LRCH2: variants seen among roughly 807,000 people sequenced by gnomAD.
LRCH2 encodes the protein leucine rich repeats and calponin homology domain containing 2.
In LRCH2, 38 loss-of-function variants were observed where a neutral mutation model predicts 68.9. That is an observed-to-expected ratio of 0.55 (90% CI 0.43 to 0.72). The LOEUF (loss-of-function observed/expected upper bound fraction) is 0.72. Ranked by LOEUF, LRCH2 falls within the 30% of genes least tolerant of loss-of-function variation. LRCH2 has a pLI of 0.00. For missense variants in LRCH2, 528 were observed against 572.9 expected (o/e 0.92, Z 0.80); for synonymous variants, 191 against 208.1 (o/e 0.92, Z 0.71).
chrX:115,138,611 G>A (rs2072310034), intron 14 of LRCH2, among the ~76,000 whole-genome samples: 1 of 111,434 alleles, frequency 9.0e-6, no homozygotes, highest in Non-Finnish European at 1.9e-5. Context: ...TAAAGAGGCA[G>A]GAAAGACATA....
At chrX:115,226,331 CT>C (rs1374912151) in intron 1 of LRCH2, among the ~76,000 whole-genome samples, 1 of 111,510 alleles carries the variant, frequency 9.0e-6, no homozygotes, top group Admixed American at 9.5e-5. Context: ...GTATGTATTA[CT>C]TTTTTTAATG....
intron 12 of LRCH2, among the ~76,000 whole-genome samples, chrX:115,155,261 T>C (rs1252426498): frequency 3.7e-5 from 4 of 109,342 alleles, no homozygotes; most frequent in Admixed American, 2.0e-4. Context: ...GTATGTGAGA[T>C]TTTTCTAAAG....
intron 1 of LRCH2, among the ~76,000 whole-genome samples, chrX:115,229,613 A>G (rs1191399976): frequency 8.9e-6 from 1 of 112,101 alleles, no homozygotes; most frequent in Non-Finnish European, 1.9e-5. Context: ...GATTCAATCT[A>G]TAGCAATTAA....
At position 115,189,864 on chromosome X, in the gene LRCH2, C is replaced by T. The variant is rs1556556508; in HGVS notation, c.350-1494G>A. ...ACGCGGGGTATTTCGACCTGTGGCC[C>T]TACAGGGCCCCGATGCCCAGGAAGC... On this transcript the variant is annotated intron_variant, in intron 1 of 20. Transcript: ENST00000317135. 4 of 1,165,596 alleles carry T rather than the reference C, an allele frequency of 3.4e-6. No individual in the cohort carries two copies. The South Asian group carries it at 7.6e-5, about 22-fold the overall frequency.
chrX:115,148,047 G>A (rs192623718), intron 14 of LRCH2, among the ~76,000 whole-genome samples: 10 of 107,280 alleles, frequency 9.3e-5, no homozygotes, highest in African/African-American at 3.1e-4. Context: ...TGCAGTCTGG[G>A]CAATAGAGAG....
chrX:115,192,771 A>C, intron 1 of LRCH2: 1 of 680,025 alleles, frequency 1.5e-6, no homozygotes, highest in Non-Finnish European at 2.2e-6. Context: ...TTTCCTGTTA[A>C]GATCTCCATT....
intron 1 of LRCH2, among the ~76,000 whole-genome samples, chrX:115,211,761 AC>A (rs1252373840): frequency 9.2e-6 from 1 of 108,784 alleles, no homozygotes; most frequent in Non-Finnish European, 1.9e-5. Context: ...ACATCCACAC[AC>A]CCCCCCAAGA....
chrX:115,189,925 C>G lies in LRCH2; in HGVS notation c.350-1555G>C, dbSNP rs1396422535. 19 of 1,157,265 alleles carry G rather than the reference C, an allele frequency of 1.6e-5. No individual in the cohort carries two copies. In the African/African-American group the frequency reaches 3.2e-4, roughly 20 times the overall value. On this transcript the variant is annotated intron_variant, in intron 1 of 20. Transcript: ENST00000317135. ...ACCGCGGCACTGGGCCAGCCCACCC[C>G]ACAAGAGGGCCACGCCGTCGAGCCT...
At chrX:115,213,636 T>A (rs1231042991) in intron 1 of LRCH2, among the ~76,000 whole-genome samples, 2 of 111,957 alleles carry the variant, frequency 1.8e-5, no homozygotes, top group African/African-American at 6.5e-5. Context: ...GCAAAAAGAA[T>A]CACCTCCATT....
chrX:115,185,713 A>G (rs1395515654), intron 2 of LRCH2, among the ~76,000 whole-genome samples: 1 of 111,546 alleles, frequency 9.0e-6, no homozygotes, highest in Non-Finnish European at 1.9e-5. Context: ...ACAAACAAAC[A>G]AACAAAAAAA....
intron 5 of LRCH2, among the ~76,000 whole-genome samples, chrX:115,177,077 G>A (rs4317746): frequency 9.4e-5 from 7 of 74,487 alleles, no homozygotes; most frequent in South Asian, 7.9e-4. Context: ...TTTTTTTAAA[G>A]ACAGAGTCTC....
intron 20 of LRCH2, among the ~76,000 whole-genome samples, chrX:115,114,401 A>C (rs1410961318): frequency 1.8e-5 from 2 of 111,159 alleles, no homozygotes; most frequent in Non-Finnish European, 3.8e-5. Flanking sequence ...GAAGGCTTCA[A>C]ATCAATGACT....
chrX:115,230,635 T>C (rs2073147005), intron 1 of LRCH2, among the ~76,000 whole-genome samples: 1 of 111,768 alleles, frequency 8.9e-6, no homozygotes, highest in Admixed American at 9.5e-5. Context: ...AGAAAAGATT[T>C]TGCTGCTACA....
Position 115,192,141 on chromosome X carries a change from C to G in LRCH2, c.350-3771G>C, listed in dbSNP as rs1479937799. 7.5e-5 allele frequency: 87 copies of G among 1,165,353 alleles called. No homozygotes were observed. Among genetic ancestry groups the G allele is most frequent in the Non-Finnish European group, 1.0e-4 (87 of 872,499 alleles). On this transcript the variant is annotated intron_variant, in intron 1 of 20. Transcript: ENST00000317135. ...GGGGCCGCGACAGTTTCAGCAACAG[C>G]TATGGCCGGAGTGACCATTACGGAA...
Position 115,128,327 on chromosome X carries a change from G to A in LRCH2, c.1741-1434C>T, listed in dbSNP as rs183178015. Among the ~76,000 whole-genome samples, 6 of 111,495 alleles carry A rather than the reference G, an allele frequency of 5.4e-5. No individual in the cohort carries two copies. The Admixed American group carries it at 5.7e-4, about 11-fold the overall frequency. On this transcript the variant is annotated intron_variant, in intron 15 of 20. Transcript: ENST00000317135. Reference sequence around the variant, plus strand: ...CCAATTCATGAGGAATATGTTCCAAGAACCCCAGTGAATGCCTGAAACCAC... The same window carrying A: ...CCAATTCATGAGGAATATGTTCCAAAAACCCCAGTGAATGCCTGAAACCAC...
intron 5 of LRCH2, among the ~76,000 whole-genome samples, chrX:115,176,239 C>A (rs191304200): frequency 8.9e-6 from 1 of 112,191 alleles, no homozygotes; most frequent in African/African-American, 3.2e-5. Flanking sequence ...TTTGAGGAAG[C>A]ACTATACTGT....
chrX:115,180,667 GTACA>G (rs1269274644), intron 3 of LRCH2, among the ~76,000 whole-genome samples: 1 of 111,591 alleles, frequency 9.0e-6, no homozygotes, highest in Non-Finnish European at 1.9e-5. Flanking sequence ...GAGGAGAATA[GTACA>G]TACATTCAGT....
chrX:115,113,856 AGTAGCT>A (rs2072060731), intron 20 of LRCH2, among the ~76,000 whole-genome samples: 1 of 111,337 alleles, frequency 9.0e-6, no homozygotes, highest in Admixed American at 9.6e-5. Flanking sequence ...GCAATTGTGC[AGTAGCT>A]TTCATTAATT....
At chrX:115,138,373 T>C (rs1556532709) in intron 14 of LRCH2, among the ~76,000 whole-genome samples, 1 of 111,916 alleles carries the variant, frequency 8.9e-6, no homozygotes, top group Non-Finnish European at 1.9e-5. Context: ...CAACTATTCA[T>C]TTCTTTCATC....
Sources: gnomAD v4.1 joint callset for allele counts (sites outside exome capture counted in the v4.1 genomes callset) on GRCh38, gnomAD v4.1.1 for gene constraint, MANE v1.5 for transcripts, NCBI Gene and HGNC (gene_info 2026-07-23, HGNC 2026-07-21) for gene names.